Variants in STARD13 observed in about 807,000 individuals in gnomAD.
STARD13 encodes the protein stAR-related lipid transfer protein 13.
STARD13 carries 62 observed loss-of-function variants against 106.4 expected under a neutral mutation model. The observed-to-expected ratio is 0.58, with a 90% confidence interval of 0.48 to 0.72. The LOEUF is 0.72. STARD13 is among the 30% of genes least tolerant of loss of function. The pLI, the probability that STARD13 is intolerant of heterozygous loss-of-function variation, is 0.00. For missense variants in STARD13, 1,387 were observed against 1,424.0 expected, an observed-to-expected ratio of 0.97 and a Z score of 0.42; for synonymous variants, 565 against 553.0, an observed-to-expected ratio of 1.02 and a Z score of -0.31.
chr13:33,116,202 TAC>T (rs537503691), intron 8 of STARD13, among the ~76,000 whole-genome samples: 69 of 152,332 alleles, frequency 4.5e-4, no homozygotes, highest in African/African-American at 1.6e-3. Flanking sequence ...GCCAGATGAA[TAC>T]ACTGGGCTCT....
chr13:33,231,573 G>A (rs1320644073), intron 1 of STARD13, among the ~76,000 whole-genome samples: 3 of 152,130 alleles, frequency 2.0e-5, no homozygotes, highest in Non-Finnish European at 4.4e-5. Flanking sequence ...ATCATCTTGA[G>A]TTGAAGGTAA....
At chr13:33,565,248 AGATT>A in the STARD13 span, among the ~76,000 whole-genome samples, 76 of 146,048 alleles carry the variant, frequency 5.2e-4, 4 homozygotes, top group African/African-American at 1.8e-3. Flanking sequence ...GGGGAAATGA[AGATT>A]GATTGATTAA....
intron 1 of STARD13, among the ~76,000 whole-genome samples, chr13:33,246,322 G>A (rs1002057633): frequency 1.3e-5 from 2 of 152,246 alleles, no homozygotes; most frequent in East Asian, 3.9e-4. Context: ...TGGCTAGAAC[G>A]TTACCTATTC....
chr13:33,156,831 T>C (rs777477879), intron 3 of STARD13, among the ~76,000 whole-genome samples: 4 of 152,196 alleles, frequency 2.6e-5, no homozygotes, highest in Non-Finnish European at 5.9e-5. Flanking sequence ...AATAAAATAA[T>C]GATTTATTGG....
rs1053361156 is a variant in STARD13 at position 33,228,735 on chromosome 13, T to C, written c.169+56735A>G. ...GAATACAAGATTTCTGCAGTTCCAC[T>C]ACATGTCCACTAGAGGCCTGTGAAG... On this transcript the variant is annotated intron_variant, in intron 1 of 13. Coordinates refer to ENST00000336934, the MANE Select transcript of STARD13 (RefSeq NM_178006.4). 3.9e-5 allele frequency among the ~76,000 whole-genome samples: 6 copies of C among 152,240 alleles called. No individual in the cohort carries two copies. The South Asian group carries it at 1.2e-3, about 32-fold the overall frequency.
At chr13:33,591,269 C>T in the STARD13 span, among the ~76,000 whole-genome samples, 2 of 152,266 alleles carry the variant, frequency 1.3e-5, no homozygotes, top group Non-Finnish European at 2.9e-5. Context: ...TCTGAAGCCA[C>T]GTTTATTAAA....
the STARD13 span, among the ~76,000 whole-genome samples, chr13:33,386,479 G>T: frequency 6.6e-6 from 1 of 152,100 alleles, no homozygotes; most frequent in Non-Finnish European, 1.5e-5. Flanking sequence ...AGGGCACATT[G>T]CTGGGGTTCT....
chr13:33,177,756 A>G (rs1448759739), intron 1 of STARD13, among the ~76,000 whole-genome samples: 1 of 108,682 alleles, frequency 9.2e-6, no homozygotes, highest in Non-Finnish European at 1.9e-5. Flanking sequence ...GGAAAAAAGG[A>G]AGGAAGGAAG....
chr13:33,639,636 A>G, the STARD13 span, among the ~76,000 whole-genome samples: 1 of 152,234 alleles, frequency 6.6e-6, no homozygotes, highest in African/African-American at 2.4e-5. Flanking sequence ...CTCTGTATGT[A>G]GTGAACTGTA....
chr13:33,389,448 G>A, the STARD13 span, among the ~76,000 whole-genome samples: 4 of 152,176 alleles, frequency 2.6e-5, no homozygotes, highest in Non-Finnish European at 4.4e-5. Flanking sequence ...GTGGAGGAGC[G>A]AGGGAGTGAG....
chr13:33,167,998 ATTT>A (rs58705674), intron 1 of STARD13, among the ~76,000 whole-genome samples: 1 of 149,712 alleles, frequency 6.7e-6, no homozygotes, highest in Non-Finnish European at 1.5e-5. Context: ...TTTTAATGGA[ATTT>A]TTTTTTTAAG....
At chr13:33,675,525 C>T in the STARD13 span, among the ~76,000 whole-genome samples, 1 of 152,072 alleles carries the variant, frequency 6.6e-6, no homozygotes, top group Non-Finnish European at 1.5e-5. Context: ...TGGGGACTTA[C>T]ATGGAAATAT....
intron 1 of STARD13, among the ~76,000 whole-genome samples, chr13:33,258,634 A>G (rs1357211510): frequency 6.6e-6 from 1 of 152,208 alleles, no homozygotes; most frequent in African/African-American, 2.4e-5. Context: ...TTTCAATTAA[A>G]TCTTTATGTG....
intron 4 of STARD13, among the ~76,000 whole-genome samples, chr13:33,141,843 A>G (rs920509336): frequency 6.6e-6 from 1 of 152,122 alleles, no homozygotes; most frequent in Non-Finnish European, 1.5e-5. Flanking sequence ...AAAGATCACC[A>G]TAAAGCACCG....
At chr13:33,351,154 G>A (rs891854812), upstream of STARD13, among the ~76,000 whole-genome samples, 1 of 152,028 alleles carries the variant, frequency 6.6e-6, no homozygotes, top group Non-Finnish European at 1.5e-5. Flanking sequence ...AAATTAATAC[G>A]GTTTGAAGTG....
chr13:33,559,912 A>T, the STARD13 span, among the ~76,000 whole-genome samples: 1 of 151,590 alleles, frequency 6.6e-6, no homozygotes, highest in African/African-American at 2.4e-5. Flanking sequence ...ATACAGCAAG[A>T]AGTAGTCAGC....
the STARD13 span, among the ~76,000 whole-genome samples, chr13:33,428,631 A>G: frequency 3.3e-5 from 5 of 152,292 alleles, no homozygotes; most frequent in East Asian, 9.6e-4. Flanking sequence ...TCTCATCCCA[A>G]TTAAAATGTC....
the STARD13 span, among the ~76,000 whole-genome samples, chr13:33,614,633 C>T: frequency 6.6e-6 from 1 of 152,258 alleles, no homozygotes; most frequent in Admixed American, 6.5e-5. Flanking sequence ...AAAAACAAAA[C>T]AAAACAGGGT....
the STARD13 span, among the ~76,000 whole-genome samples, chr13:33,386,433 G>C: frequency 6.6e-6 from 1 of 152,210 alleles, no homozygotes; most frequent in African/African-American, 2.4e-5. Context: ...TCACCCTCCA[G>C]GTATGGTAAA....
Sources: allele counts gnomAD v4.1 joint callset (sites outside exome capture counted in the v4.1 genomes callset), GRCh38; gene constraint gnomAD v4.1.1; transcripts MANE v1.5; gene names NCBI Gene and HGNC (gene_info 2026-07-23, HGNC 2026-07-21).